WDR75: variants seen among roughly 807,000 people sequenced by gnomAD.
The protein encoded by WDR75 is WD repeat-containing protein 75.
A neutral mutation model predicts 106.1 loss-of-function variants in WDR75; 52 were observed. The ratio of observed to expected loss-of-function variants is 0.49; its 90% CI spans 0.39 to 0.62. The LOEUF is 0.62. WDR75 is among the 20% of genes least tolerant of loss of function. The pLI is 0.00. For synonymous variants in WDR75, 333 were observed against 335.5 expected, an observed-to-expected ratio of 0.99 and a Z score of 0.08; for missense variants, 905 against 970.3, an observed-to-expected ratio of 0.93 and a Z score of 0.89.
chr2:189,466,390 A>G (rs543969395), intron 12 of WDR75, 35 bp from the exon 13 acceptor site: 1 of 1,608,016 alleles, frequency 6.2e-7, no homozygotes, highest in South Asian at 1.1e-5. Flanking sequence ...CTTTGTCCTC[A>G]TGCAAGAATA....
At chr2:189,447,302 T>A (rs1420212482) in intron 1 of WDR75, among the ~76,000 whole-genome samples, 1 of 152,262 alleles carries the variant, frequency 6.6e-6, no homozygotes, top group Non-Finnish European at 1.5e-5. Flanking sequence ...TAACCACTTT[T>A]AGTAATTTAG....
chr2:189,471,198 A>G (rs1012555824), intron 18 of WDR75, among the ~76,000 whole-genome samples: 4 of 152,174 alleles, frequency 2.6e-5, no homozygotes, highest in African/African-American at 9.6e-5. Flanking sequence ...TTTTTATTTA[A>G]CTCTGAATCT....
chr2:189,452,881 C>T (rs1274227510), intron 4 of WDR75, among the ~76,000 whole-genome samples: 2 of 152,114 alleles, frequency 1.3e-5, no homozygotes, highest in Non-Finnish European at 2.9e-5. Flanking sequence ...ATAGTGGGGC[C>T]GGGCATGATG....
At chr2:189,447,550 A>T (rs1466403522) in intron 1 of WDR75, among the ~76,000 whole-genome samples, 4 of 152,202 alleles carry the variant, frequency 2.6e-5, no homozygotes, top group Middle Eastern at 3.2e-3. Context: ...TTGAAGAGTA[A>T]TAGTTGATAG....
chr2:189,462,916 G>T (rs1008251673), intron 9 of WDR75, among the ~76,000 whole-genome samples: 2 of 152,132 alleles, frequency 1.3e-5, no homozygotes, highest in Non-Finnish European at 2.9e-5. Flanking sequence ...TTTTAGTGTG[G>T]GATGACATGA....
chr2:189,470,697 G>T (rs114207009), intron 17 of WDR75, 122 bp from the exon 18 acceptor site: 1 of 525,560 alleles, frequency 1.9e-6, no homozygotes, highest in South Asian at 5.3e-5. Context: ...TTCCTTTTCT[G>T]TTGTCAAATA....
At chr2:189,465,872 G>A (rs1182079152) in intron 12 of WDR75, among the ~76,000 whole-genome samples, 1 of 152,114 alleles carries the variant, frequency 6.6e-6, no homozygotes, top group Non-Finnish European at 1.5e-5. Context: ...ATCCTATGCT[G>A]CCTTGATGTT....
At chr2:189,463,588 T>G in intron 9 of WDR75, 106 bp from the exon 10 acceptor site, 1 of 898,058 alleles carries the variant, frequency 1.1e-6, no homozygotes. Flanking sequence ...TTTCAGAAAG[T>G]TTATGAATTT....
intron 20 of WDR75, 142 bp downstream of exon 20, chr2:189,474,950 T>A: frequency 1.3e-6 from 1 of 784,576 alleles, no homozygotes; most frequent in Non-Finnish European, 2.0e-6. Flanking sequence ...TATAGGATTA[T>A]TAAGTCAAGT....
chr2:189,447,301 T>G (rs1574187178), intron 1 of WDR75, among the ~76,000 whole-genome samples: 1 of 152,212 alleles, frequency 6.6e-6, no homozygotes, highest in East Asian at 1.9e-4. Flanking sequence ...TTAACCACTT[T>G]TAGTAATTTA....
intron 1 of WDR75, 79 bp downstream of exon 1, chr2:189,441,657 C>T (rs1686368090): frequency 1.4e-6 from 2 of 1,468,448 alleles, no homozygotes; most frequent in South Asian, 2.4e-5. Flanking sequence ...AATTGTCAGT[C>T]GCGTTCGGAC....
At chr2:189,467,721 C>T in intron 14 of WDR75, 73 bp downstream of exon 14, 1 of 1,348,330 alleles carries the variant, frequency 7.4e-7, no homozygotes, top group Non-Finnish European at 9.8e-7. Context: ...CTTTAGTAGT[C>T]ATTTATGCCC....
chr2:189,464,623 A>T (rs1321279781), intron 11 of WDR75, among the ~76,000 whole-genome samples: 1 of 151,906 alleles, frequency 6.6e-6, no homozygotes, highest in Non-Finnish European at 1.5e-5. Flanking sequence ...GATTTTTTTT[A>T]AAACAACCAT....
At chr2:189,463,650 T>C (rs1276611798) in intron 9 of WDR75, 44 bp from the exon 10 acceptor site, 5 of 1,606,668 alleles carry the variant, frequency 3.1e-6, no homozygotes, top group African/African-American at 1.3e-5. Context: ...ACAAGCTTTC[T>C]CTAACCTATT....
chr2:189,454,640 G>A (rs978482921), intron 4 of WDR75, among the ~76,000 whole-genome samples: 1 of 151,766 alleles, frequency 6.6e-6, no homozygotes, highest in African/African-American at 2.4e-5. Context: ...TCCTGCCTCA[G>A]CCTCCCGAGT....
rs977665531 is a variant in WDR75 at position 189,449,811 on chromosome 2, T to C, written c.217-1092T>C. 5.7e-5 allele frequency: 56 copies of C among 984,268 alleles called. No individual in the cohort carries two copies. The African/African-American group carries it at 8.9e-4, about 16-fold the overall frequency. 61.0% of individuals were successfully genotyped at this position (984,268 alleles called of 1,614,324 possible). A position where few individuals can be genotyped will look rare whatever the true frequency, so the allele number is the denominator to read the frequency against. ...AATTTTTTGACTTGGATAGATAATA[T>C]GGTTTTACTCCAACATTTTTACATT... On this transcript the variant is annotated intron_variant, in intron 2 of 20. Transcript: ENST00000314761.
At chr2:189,473,323 A>C (rs1687151753) in intron 18 of WDR75, among the ~76,000 whole-genome samples, 1 of 152,236 alleles carries the variant, frequency 6.6e-6, no homozygotes, top group African/African-American at 2.4e-5. Flanking sequence ...GCTAAGGAAG[A>C]GAAGGAGTTG....
chr2:189,459,714 T>A (rs760956351), intron 8 of WDR75, among the ~76,000 whole-genome samples: 2 of 152,220 alleles, frequency 1.3e-5, no homozygotes, highest in Non-Finnish European at 2.9e-5. Flanking sequence ...TAACTAAGTG[T>A]GTGTGGTCCA....
In WDR75 at chr2:189,463,768, AG is replaced by A. The variant is rs747613915; in HGVS notation, c.997+16del. Reference sequence around the variant, plus strand: ...CCTAGTGAAAGGTATTGCAGAACTCAGTGGATTTGGAATCATGAACATTTTA... The same window carrying A: ...CCTAGTGAAAGGTATTGCAGAACTCATGGATTTGGAATCATGAACATTTTA... On this transcript the variant is annotated intron_variant, in intron 10 of 20. Transcript: ENST00000314761. 3.1e-4 allele frequency: 508 copies of A among 1,613,704 alleles called. 3 individuals are homozygous for A. Among genetic ancestry groups the A allele is most frequent in the Non-Finnish European group, 1.5e-5 (18 of 1,179,796 alleles).
Sources: gnomAD v4.1 joint callset for allele counts (sites outside exome capture counted in the v4.1 genomes callset) on GRCh38, gnomAD v4.1.1 for gene constraint, MANE v1.5 for transcripts, NCBI Gene and HGNC (gene_info 2026-07-23, HGNC 2026-07-21) for gene names.